SPATA7: variants seen among roughly 807,000 people sequenced by gnomAD.
The protein encoded by SPATA7 is spermatogenesis-associated protein 7.
SPATA7 carries 43 observed loss-of-function variants against 51.8 expected under a neutral mutation model. The ratio of observed to expected loss-of-function variants is 0.83; its 90% CI spans 0.65 to 1.07. The LOEUF (loss-of-function observed/expected upper bound fraction) is 1.07, where lower values mean the gene tolerates loss of function less well. SPATA7 is among the 50% of genes least tolerant of loss of function. The pLI is 0.00. For missense variants in SPATA7, 683 were observed against 701.3 expected (o/e 0.97, Z 0.30); for synonymous variants, 230 against 252.8 (o/e 0.91, Z 0.86).
chr14:88,418,153 A>T (rs1379918081), intron 5 of SPATA7, among the ~76,000 whole-genome samples: 1 of 152,074 alleles, frequency 6.6e-6, no homozygotes, highest in Non-Finnish European at 1.5e-5. Flanking sequence ...CTTCTTCTTC[A>T]TCATTCTCAT....
intron 2 of SPATA7, 32 bp from the exon 3 acceptor site, chr14:88,393,361 T>C: frequency 1.5e-6 from 2 of 1,375,270 alleles, no homozygotes; most frequent in Non-Finnish European, 2.0e-6. Flanking sequence ...ATATTAGTTT[T>C]AAATATATAA....
At chr14:88,467,896 G>A (rs191479630) in intron 4 of SPATA7, 124 of 569,508 alleles carry the variant, frequency 2.2e-4, no homozygotes, top group Non-Finnish European at 3.5e-4. Context: ...CGGACAGACC[G>A]GGGCAGGGCA....
chr14:88,440,608 A>G (rs2077171973), downstream of SPATA7, among the ~76,000 whole-genome samples: 1 of 152,066 alleles, frequency 6.6e-6, no homozygotes, highest in Admixed American at 6.6e-5. Flanking sequence ...CACACAGCCC[A>G]TCAACTGAGG....
intron 4 of SPATA7, among the ~76,000 whole-genome samples, chr14:88,408,270 T>A (rs2076248873): frequency 6.6e-6 from 1 of 152,218 alleles, no homozygotes; most frequent in Non-Finnish European, 1.5e-5. Context: ...TTTGTTTGTG[T>A]CCTCTCTTAT....
At chr14:88,392,228 G>C (rs1049608541) in intron 2 of SPATA7, among the ~76,000 whole-genome samples, 1 of 152,008 alleles carries the variant, frequency 6.6e-6, no homozygotes, top group Non-Finnish European at 1.5e-5. Context: ...GTTAAAACTA[G>C]ATTTAAAATA....
intron 3 of SPATA7, among the ~76,000 whole-genome samples, chr14:88,453,962 T>C (rs2077267947): frequency 6.6e-6 from 1 of 152,192 alleles, no homozygotes; most frequent in Non-Finnish European, 1.5e-5. Context: ...CATATTCGAG[T>C]TTTGAGGCAA....
chr14:88,458,789 C>T (rs1020250193), downstream of SPATA7, among the ~76,000 whole-genome samples: 5 of 152,018 alleles, frequency 3.3e-5, no homozygotes, highest in Admixed American at 2.0e-4. Context: ...GCTCTTGCTT[C>T]TCTAGTTCTT....
At chr14:88,450,059 A>T (rs1246895428) in intron 3 of SPATA7, among the ~76,000 whole-genome samples, 1 of 152,006 alleles carries the variant, frequency 6.6e-6, no homozygotes, top group Non-Finnish European at 1.5e-5. Flanking sequence ...GGAGGGTTGT[A>T]TATTTCCAGG....
At chr14:88,412,608 G>C (rs549457283) in intron 4 of SPATA7, among the ~76,000 whole-genome samples, 1 of 152,146 alleles carries the variant, frequency 6.6e-6, no homozygotes, top group Non-Finnish European at 1.5e-5. Context: ...TTCTTTGTCA[G>C]CACCCTCACA....
chr14:88,407,177 T>C (rs1464689935), intron 4 of SPATA7, among the ~76,000 whole-genome samples: 4 of 152,204 alleles, frequency 2.6e-5, no homozygotes, highest in African/African-American at 9.7e-5. Context: ...TCCTAGATCC[T>C]TGAGGAATTG....
intron 1 of SPATA7, among the ~76,000 whole-genome samples, chr14:88,386,707 A>G (rs1342674721): frequency 6.6e-6 from 1 of 152,118 alleles, no homozygotes; most frequent in Non-Finnish European, 1.5e-5. Flanking sequence ...CTCGAGTCAA[A>G]TGAGGCAATC....
chr14:88,455,195 C>T (rs946800525), exon 4 of SPATA7: 1 of 428,046 alleles, frequency 2.3e-6, no homozygotes, highest in Middle Eastern at 3.4e-4. Context: ...AAATTGATAG[C>T]AAATCTTTAT....
intron 1 of SPATA7, 58 bp downstream of exon 1, chr14:88,385,895 C>A: frequency 6.4e-7 from 1 of 1,565,848 alleles, no homozygotes; most frequent in South Asian, 1.2e-5. Flanking sequence ...GGCGGCGCTC[C>A]CAGCCTCGGG....
At position 88,426,555 on chromosome 14, in the gene SPATA7, CTT is replaced by C. The variant is rs567890014; in HGVS notation, c.699_700del (p.Ser234Ter). 1.2e-5 allele frequency: 20 copies of C among 1,614,034 alleles called. No individual in the cohort carries two copies. The highest frequency in any genetic ancestry group is 3.3e-5 in the Admixed American group (2 of 59,996). ...GDLLDKHSEL[F>X]SNKQLPFTPR... is the part of the protein sequence containing the mutation. Reference sequence around the variant, plus strand: ...ATCTTTTGGATAAACATTCTGAACTCTTTTCTAACAAACAATTGCCATTCACT... The same window carrying C: ...ATCTTTTGGATAAACATTCTGAACTCTTCTAACAAACAATTGCCATTCACT... On this transcript the variant is annotated frameshift_variant, in exon 6 of 12. Coordinates refer to ENST00000393545, the MANE Select transcript of SPATA7 (RefSeq NM_018418.5). LOFTEE classifies it high-confidence loss of function.
Position 88,469,424 on chromosome 14 carries a change from C to T in SPATA7, c.255-423C>T, listed in dbSNP as rs1333764357. On this transcript the variant is annotated intron_variant, in intron 4 of 4. Transcript: ENST00000556406. The surrounding 1 kb of genome is among the most constrained non-coding windows in gnomAD (Gnocchi z 4.3). ...ATGAGATAACATAAAGGAAATATTT[C>T]GGAAACATAAATGTTCCTCTCTGTT... The T allele has an allele frequency of 3.9e-6, 5 of 1,269,926 alleles. No individual in the cohort carries two copies. The highest frequency in any genetic ancestry group is 1.3e-5 in the South Asian group (1 of 79,854). 78.7% of individuals were successfully genotyped at this position (1,269,926 alleles called of 1,614,324 possible).
At chr14:88,436,192 T>A (rs2077082594) in intron 10 of SPATA7, among the ~76,000 whole-genome samples, 1 of 152,216 alleles carries the variant, frequency 6.6e-6, no homozygotes, top group Non-Finnish European at 1.5e-5. Flanking sequence ...TTCATATTCC[T>A]GTCTACAATT....
At chr14:88,440,529 C>CT (rs2077171427), downstream of SPATA7, among the ~76,000 whole-genome samples, 1 of 152,116 alleles carries the variant, frequency 6.6e-6, no homozygotes, top group Non-Finnish European at 1.5e-5. Flanking sequence ...CTAGCAGCAT[C>CT]TTTTTTTATC....
At chr14:88,468,365 G>T in intron 4 of SPATA7, 1 of 1,173,528 alleles carries the variant, frequency 8.5e-7, no homozygotes, top group Non-Finnish European at 1.2e-6. Flanking sequence ...GTTGGGAGAT[G>T]GACAGTCTCT....
chr14:88,415,280 A>C (rs1346180746), intron 4 of SPATA7: 1 of 325,034 alleles, frequency 3.1e-6, no homozygotes. Flanking sequence ...AGTCTTGTGG[A>C]ATTGAATCCT....
Sources: allele counts gnomAD v4.1 joint callset (sites outside exome capture counted in the v4.1 genomes callset), GRCh38; gene constraint gnomAD v4.1.1; non-coding constraint Gnocchi (gnomAD v3.1); transcripts MANE v1.5; gene names NCBI Gene and HGNC (gene_info 2026-07-23, HGNC 2026-07-21).